Variants in GPHN observed in about 807,000 individuals in gnomAD.
GPHN encodes gephyrin.
Under a neutral mutation model 95.5 loss-of-function variants are expected in GPHN, and 17 were observed. That is an observed-to-expected ratio of 0.18 (90% confidence interval 0.12 to 0.27). The LOEUF is 0.27. Ranked by LOEUF, GPHN falls within the 10% of genes least tolerant of loss-of-function variation. GPHN has a pLI of 1.00. For synonymous variants in GPHN, 320 were observed against 322.5 expected, an observed-to-expected ratio of 0.99 and a Z score of 0.08; for missense variants, 660 against 978.1, an observed-to-expected ratio of 0.67 and a Z score of 4.34.
intron 4 of GPHN, among the ~76,000 whole-genome samples, chr14:66,871,405 A>C (rs2063428337): frequency 6.6e-6 from 1 of 152,206 alleles, no homozygotes; most frequent in Non-Finnish European, 1.5e-5. Flanking sequence ...TTTTCAAGCA[A>C]GTAATGAAAT....
At chr14:67,387,475 G>A in the GPHN span, 1 of 1,591,632 alleles carries the variant, frequency 6.3e-7, no homozygotes, top group South Asian at 1.2e-5. Flanking sequence ...AAAAAAGGGG[G>A]AAAAAAATCA....
chr14:67,530,203 C>A, the GPHN span, among the ~76,000 whole-genome samples: 1 of 152,174 alleles, frequency 6.6e-6, no homozygotes, highest in African/African-American at 2.4e-5. Flanking sequence ...CAAAAGCTTC[C>A]ATTTATAGAT....
At chr14:66,964,961 A>T (rs2069213556) in intron 8 of GPHN, among the ~76,000 whole-genome samples, 1 of 152,184 alleles carries the variant, frequency 6.6e-6, no homozygotes, top group Non-Finnish European at 1.5e-5. Flanking sequence ...ACAATACTAT[A>T]CTGCCTCTCA....
intron 4 of GPHN, among the ~76,000 whole-genome samples, chr14:66,872,259 T>C (rs1409340645): frequency 6.6e-6 from 1 of 152,202 alleles, no homozygotes; most frequent in East Asian, 1.9e-4. Flanking sequence ...AATATTGAAA[T>C]ATAAACCTTT....
intron 1 of GPHN, among the ~76,000 whole-genome samples, chr14:66,602,005 G>T (rs1310942464): frequency 6.6e-6 from 1 of 151,894 alleles, no homozygotes; most frequent in Non-Finnish European, 1.5e-5. Context: ...ATTTATCATA[G>T]GTGGTGGATG....
chr14:67,353,099 A>C, the GPHN span: 12 of 1,291,428 alleles, frequency 9.3e-6, no homozygotes, highest in African/African-American at 1.5e-5. Flanking sequence ...GACAAAAAAA[A>C]CCCTCCCCAC....
At chr14:67,412,209 A>G in the GPHN span, 222 of 547,712 alleles carry the variant, frequency 4.1e-4, 1 homozygote, top group Middle Eastern at 2.6e-3. Flanking sequence ...GCGTGTCCAG[A>G]GCCTGAGGCC....
chr14:67,375,371 T>C, the GPHN span, among the ~76,000 whole-genome samples: 1 of 152,026 alleles, frequency 6.6e-6, no homozygotes. Flanking sequence ...TCCTCTCGCC[T>C]CTGCCTCCCG....
chr14:67,580,776 CT>C, the GPHN span: 1 of 583,422 alleles, frequency 1.7e-6, no homozygotes, highest in Non-Finnish European at 3.1e-6. Flanking sequence ...CTGCTGCCAC[CT>C]TGGGTCCAGG....
Position 66,519,719 on chromosome 14 carries a change from C to A in GPHN, c.64+11128C>A, listed in dbSNP as rs538103985. On this transcript the variant is annotated intron_variant, in intron 1 of 22. Transcript: ENST00000478722. The stretch of plus-strand genomic sequence containing the variant: ...TATTTTGCACTTTCTTCCTTCACTC[C>A]CTAACTCTGTAGCATATTTTGGACA... Among the ~76,000 whole-genome samples the A allele has an allele frequency of 1.8e-3, 278 of 152,188 alleles. 1 individual carries two copies. Among genetic ancestry groups the A allele is most frequent in the African/African-American group, 6.4e-3 (265 of 41,536 alleles).
intron 9 of GPHN, chr14:66,985,575 G>C: frequency 1.4e-6 from 1 of 692,740 alleles, no homozygotes; most frequent in South Asian, 1.7e-5. Flanking sequence ...AGCTACCACA[G>C]AGAGTCAATT....
chr14:66,867,090 C>G, intron 4 of GPHN, among the ~76,000 whole-genome samples: 1 of 152,036 alleles, frequency 6.6e-6, no homozygotes, highest in Non-Finnish European at 1.5e-5. Flanking sequence ...AGCATCTTCT[C>G]TTCACATGAA....
chr14:67,336,861 C>T, the GPHN span: 1 of 432,018 alleles, frequency 2.3e-6, no homozygotes, highest in Non-Finnish European at 4.7e-6. Flanking sequence ...TGAGCAGCAA[C>T]CAGATTTCCT....
At chr14:66,776,643 TATC>T (rs772307714) in intron 3 of GPHN, 122 bp downstream of exon 3, 65 of 733,116 alleles carry the variant, frequency 8.9e-5, no homozygotes, top group Non-Finnish European at 1.4e-4. Flanking sequence ...AATTCTCAGT[TATC>T]ATAGTGAATT....
the GPHN span, among the ~76,000 whole-genome samples, chr14:67,683,011 T>A: frequency 6.6e-6 from 1 of 152,246 alleles, no homozygotes; most frequent in Non-Finnish European, 1.5e-5. Flanking sequence ...TCCATTTATA[T>A]GAAATGTCCA....
chr14:66,959,140 A>G (rs117398109), intron 8 of GPHN, among the ~76,000 whole-genome samples: 1,829 of 152,250 alleles, frequency 0.012, 18 homozygotes, highest in Non-Finnish European at 0.018. Context: ...TAAATTACCT[A>G]TCAATATATT....
the GPHN span, among the ~76,000 whole-genome samples, chr14:67,458,036 C>G: frequency 6.6e-6 from 1 of 152,210 alleles, no homozygotes; most frequent in East Asian, 1.9e-4. Flanking sequence ...CTTCAGCAGC[C>G]AGGAGCGGGA....
chr14:67,353,399 C>T, the GPHN span, among the ~76,000 whole-genome samples: 16 of 152,102 alleles, frequency 1.1e-4, no homozygotes, highest in Non-Finnish European at 2.4e-4. Flanking sequence ...ACCTGTAATC[C>T]CAGCTACAGG....
chr14:66,650,252 A>G (rs1322978598), intron 1 of GPHN, among the ~76,000 whole-genome samples: 1 of 151,956 alleles, frequency 6.6e-6, no homozygotes, highest in Non-Finnish European at 1.5e-5. Context: ...GCTTCACCAC[A>G]TGGAGACTAC....
Sources: gnomAD v4.1 joint callset for allele counts (sites outside exome capture counted in the v4.1 genomes callset) on GRCh38, gnomAD v4.1.1 for gene constraint, MANE v1.5 for transcripts, NCBI Gene and HGNC (gene_info 2026-07-23, HGNC 2026-07-21) for gene names.